The following FAM171B variants were observed in gnomAD, a reference collection of about 807,000 sequenced individuals.
FAM171B encodes the protein family with sequence similarity 171 member B.
A neutral mutation model predicts 75.6 loss-of-function variants in FAM171B; 19 were observed. That is an observed-to-expected ratio of 0.25 (90% CI 0.18 to 0.37). The LOEUF (loss-of-function observed/expected upper bound fraction) is 0.37, where lower values mean the gene tolerates loss of function less well. Ranked by LOEUF, FAM171B falls within the 10% of genes least tolerant of loss-of-function variation. The pLI, the probability that FAM171B is intolerant of heterozygous loss-of-function variation, is 1.00. For missense variants in FAM171B, 848 were observed against 982.4 expected, an observed-to-expected ratio of 0.86 and a Z score of 1.83; for synonymous variants, 367 against 361.7, an observed-to-expected ratio of 1.01 and a Z score of -0.17.
intron 2 of FAM171B, among the ~76,000 whole-genome samples, chr2:186,741,240 TAGAG>T (rs1480769726): frequency 1.3e-5 from 2 of 152,066 alleles, no homozygotes; most frequent in African/African-American, 2.4e-5. Context: ...ATATATTGCT[TAGAG>T]AGATCAAATG....
intron 1 of FAM171B, among the ~76,000 whole-genome samples, chr2:186,696,993 TGAATGGATGGAC>T (rs1250360849): frequency 2.0e-5 from 2 of 99,494 alleles, no homozygotes; most frequent in Middle Eastern, 5.2e-3. Context: ...AACCATTTGT[TGAATGGATGGAC>T]GGATGGATGG....
At chr2:186,737,848 A>G (rs1251252879) in intron 1 of FAM171B, among the ~76,000 whole-genome samples, 1 of 152,250 alleles carries the variant, frequency 6.6e-6, no homozygotes, top group East Asian at 1.9e-4. Flanking sequence ...TGAAAGTGTT[A>G]CAAGATTTCC....
At chr2:186,756,670 T>TCAATC (rs1309808029) in intron 6 of FAM171B, among the ~76,000 whole-genome samples, 1 of 152,148 alleles carries the variant, frequency 6.6e-6, no homozygotes, top group East Asian at 1.9e-4. Flanking sequence ...ATAATTCAAT[T>TCAATC]CAATCCTGAC....
At position 186,762,905 on chromosome 2, in the gene FAM171B, A is replaced by G. The variant is rs1690643274; in HGVS notation, c.*82A>G. 3.3e-6 allele frequency: 5 copies of G among 1,496,594 alleles called. No individual in the cohort carries two copies. Among genetic ancestry groups the G allele is most frequent in the Non-Finnish European group, 4.5e-6 (5 of 1,111,248 alleles). The allele number at this position is 1,496,594 out of a possible 1,614,324, so 92.7% of individuals were successfully genotyped here. On this transcript the variant is annotated 3_prime_UTR_variant, in exon 8 of 8. Coordinates refer to ENST00000304698, the MANE Select transcript of FAM171B (RefSeq NM_177454.4). This position sits in a 1 kb window ranked among gnomAD's most constrained non-coding sequence, Gnocchi z 4.0. Reference sequence around the variant, plus strand: ...TAAATTGCAGTACGAACTTAAGAAAATGAGACTGAGCAATCTCATGGTTCT... The same window carrying G: ...TAAATTGCAGTACGAACTTAAGAAAGTGAGACTGAGCAATCTCATGGTTCT...
At chr2:186,727,649 A>G (rs1164063911) in intron 1 of FAM171B, among the ~76,000 whole-genome samples, 23 of 152,020 alleles carry the variant, frequency 1.5e-4, no homozygotes, top group Admixed American at 1.5e-3. Flanking sequence ...CATATCTGAT[A>G]TGAGTATGAT....
At chr2:186,760,600 C>T (rs570684354) in intron 6 of FAM171B, among the ~76,000 whole-genome samples, 1 of 151,862 alleles carries the variant, frequency 6.6e-6, no homozygotes, top group South Asian at 2.1e-4. Context: ...GGCCTAGAAG[C>T]CAATGTCATA....
At chr2:186,735,328 G>T (rs911850071) in intron 1 of FAM171B, among the ~76,000 whole-genome samples, 7 of 152,190 alleles carry the variant, frequency 4.6e-5, no homozygotes, top group Non-Finnish European at 1.0e-4. Context: ...TTGCTTCTGG[G>T]TGCTGCCACT....
In FAM171B at chr2:186,753,913, T is replaced by A. The variant is rs1321762083; in HGVS notation, c.896-20T>A. On this transcript the variant is annotated intron_variant, in intron 5 of 7. Coordinates refer to ENST00000304698, the MANE Select transcript of FAM171B (RefSeq NM_177454.4). ...TCTTAAGATATAACTGTAACAAGTATTTTTTACATACCTTTTTAGGTGCTT... is the reference window on the plus strand; with the variant it reads ...TCTTAAGATATAACTGTAACAAGTAATTTTTACATACCTTTTTAGGTGCTT... 2 of 1,590,442 alleles carry A rather than the reference T, an allele frequency of 1.3e-6. No homozygotes were observed.
chr2:186,715,917 C>G (rs1481393021), intron 1 of FAM171B, among the ~76,000 whole-genome samples: 1 of 152,032 alleles, frequency 6.6e-6, no homozygotes, highest in Non-Finnish European at 1.5e-5. Flanking sequence ...AACATAGAAA[C>G]AAAGTCGATA....
At chr2:186,698,334 A>G (rs1689610322) in intron 1 of FAM171B, among the ~76,000 whole-genome samples, 1 of 152,136 alleles carries the variant, frequency 6.6e-6, no homozygotes, top group Non-Finnish European at 1.5e-5. Context: ...TTGATTGCAT[A>G]TTTCAGTGAT....
At chr2:186,754,576 C>CTGATCATTCTAGAGCTGAAGAA (rs1690503063) in intron 6 of FAM171B, among the ~76,000 whole-genome samples, 1 of 152,112 alleles carries the variant, frequency 6.6e-6, no homozygotes, top group Non-Finnish European at 1.5e-5. Flanking sequence ...TGTACTGTTC[C>CTGATCATTCTAGAGCTGAAGAA]TGATCATTCT....
At chr2:186,715,768 A>G (rs572446381) in intron 1 of FAM171B, among the ~76,000 whole-genome samples, 10 of 152,310 alleles carry the variant, frequency 6.6e-5, no homozygotes, top group African/African-American at 2.2e-4. Flanking sequence ...ATTTGTCTCT[A>G]GATAGAGGTG....
Position 186,740,397 on chromosome 2 carries a change from T to A in FAM171B, c.408T>A (p.Thr136=). 1 of 1,614,094 alleles carries A rather than the reference T, an allele frequency of 6.2e-7. No individual in the cohort carries two copies. Among genetic ancestry groups the A allele is most frequent in the Non-Finnish European group, 8.5e-7 (1 of 1,179,954 alleles). ...KVPYKLGLSL[T]IIAYKDGYVL... Reference sequence around the variant, plus strand: ...CCTACAAATTAGGACTTAGTTTAACTATTATTGCTTACAAAGATGGCTACG... The same window carrying A: ...CCTACAAATTAGGACTTAGTTTAACAATTATTGCTTACAAAGATGGCTACG... The change falls in exon 2 of 8, where the codon ACT becomes ACA. Residue 136 remains threonine (T), a synonymous_variant. Transcript: ENST00000304698.
At chr2:186,748,965 G>A (rs1690412230) in intron 4 of FAM171B, among the ~76,000 whole-genome samples, 1 of 152,122 alleles carries the variant, frequency 6.6e-6, no homozygotes, top group South Asian at 2.1e-4. Context: ...GGGTCAGAAT[G>A]AACTGTTTCC....
intron 1 of FAM171B, among the ~76,000 whole-genome samples, chr2:186,736,567 G>GTGTGA (rs55683607): frequency 6.7e-5 from 7 of 104,590 alleles, no homozygotes; most frequent in African/African-American, 1.3e-4. Flanking sequence ...TGTGTGTGTG[G>GTGTGA]GAGAGAGAGA....
In FAM171B at chr2:186,694,074, GGGGAGCGAGCGAGCGGGCGCTGCCA is replaced by G. The variant is rs1207392848; in HGVS notation, c.-97_-73del. Reference sequence around the variant, plus strand: ...GGGAGTGCTTGGCAGATTGCGCGAGGGGGAGCGAGCGAGCGGGCGCTGCCAGGAGCCCGCAGCCCTGGCGCCCGCC... The same window carrying G: ...GGGAGTGCTTGGCAGATTGCGCGAGGGGAGCCCGCAGCCCTGGCGCCCGCC... On this transcript the variant is annotated 5_prime_UTR_variant, in exon 1 of 8. Transcript: ENST00000304698. 7.3e-7 allele frequency: 1 copy of G among 1,367,508 alleles called. No individual in the cohort carries two copies. The highest frequency in any genetic ancestry group is 9.4e-7 in the Non-Finnish European group (1 of 1,063,408). 84.7% of individuals were successfully genotyped at this position (1,367,508 alleles called of 1,614,324 possible).
chr2:186,707,847 A>ATTTTT lies in FAM171B; in HGVS notation c.238+13436_238+13437insTTTTT, dbSNP rs1176211849. On this transcript the variant is annotated intron_variant, in intron 1 of 7. Transcript: ENST00000304698. Reference sequence around the variant, plus strand: ...AAATACCACTTTTTTTTTTTAAAAAAAAAAAAAGGTTTTTCATTGACTTTC... The same window carrying ATTTTT: ...AAATACCACTTTTTTTTTTTAAAAAATTTTTAAAAAAAGGTTTTTCATTGACTTTC... Among the ~76,000 whole-genome samples the ATTTTT allele has an allele frequency of 1.7e-3, 250 of 149,908 alleles. 1 individual carries two copies. The highest frequency in any genetic ancestry group is 6.1e-3 in the African/African-American group (243 of 39,612).
intron 3 of FAM171B, among the ~76,000 whole-genome samples, chr2:186,744,388 A>T (rs890430198): frequency 1.3e-5 from 2 of 152,230 alleles, no homozygotes; most frequent in Non-Finnish European, 2.9e-5. Flanking sequence ...TATTCCTAAA[A>T]TATTCAACCA....
intron 6 of FAM171B, among the ~76,000 whole-genome samples, chr2:186,756,854 A>G (rs1264010058): frequency 6.6e-6 from 1 of 152,138 alleles, no homozygotes; most frequent in African/African-American, 2.4e-5. Flanking sequence ...ATAATTTGCT[A>G]TGATGGCTCA....
Sources: allele counts gnomAD v4.1 joint callset (sites outside exome capture counted in the v4.1 genomes callset), GRCh38; gene constraint gnomAD v4.1.1; non-coding constraint Gnocchi (gnomAD v3.1); transcripts MANE v1.5; gene names NCBI Gene and HGNC (gene_info 2026-07-23, HGNC 2026-07-21).